The following DCAF1 variants were observed in gnomAD, a reference collection of about 807,000 sequenced individuals.
DCAF1 encodes the protein DDB1- and CUL4-associated factor 1.
Under a neutral mutation model 128.0 loss-of-function variants are expected in DCAF1, and 15 were observed. That is an observed-to-expected ratio of 0.12 (90% CI 0.08 to 0.18). The LOEUF is 0.18. Among genes scored for constraint, DCAF1 ranks in the 10% least tolerant of loss-of-function variants. The pLI is 1.00. For synonymous variants in DCAF1, 610 were observed against 603.0 expected (o/e 1.01, Z -0.17); for missense variants, 988 against 1,649.5 (o/e 0.60, Z 6.95).
intron 4 of DCAF1, among the ~76,000 whole-genome samples, chr3:51,467,525 G>GA (rs1553646911): frequency 2.0e-5 from 3 of 152,028 alleles, no homozygotes; most frequent in African/African-American, 7.2e-5. Context: ...GAGAGGGACA[G>GA]CATTAGGAGA....
chr3:51,403,511 A>C (rs781673398), intron 23 of DCAF1, 116 bp from the exon 24 acceptor site: 279 of 1,463,950 alleles, frequency 1.9e-4, no homozygotes, highest in Non-Finnish European at 2.3e-4. Context: ...GGTAGTAGTG[A>C]TCTAGACGAG....
intron 7 of DCAF1, among the ~76,000 whole-genome samples, chr3:51,442,791 G>A (rs1553639220): frequency 6.6e-6 from 1 of 152,144 alleles, no homozygotes; most frequent in African/African-American, 2.4e-5. Context: ...AAAAGGAAGG[G>A]CACTTGGAAG....
At chr3:51,462,349 G>A (rs1577227473) in intron 6 of DCAF1, among the ~76,000 whole-genome samples, 1 of 152,272 alleles carries the variant, frequency 6.6e-6, no homozygotes, top group African/African-American at 2.4e-5. Context: ...TTGAACCCAG[G>A]AGGAAGTTGC....
chr3:51,498,713 C>A (rs797037377), intron 1 of DCAF1, among the ~76,000 whole-genome samples: 6 of 152,098 alleles, frequency 3.9e-5, no homozygotes, highest in African/African-American at 1.4e-4. Flanking sequence ...TCTTTAACAT[C>A]CAAAAATATA....
At chr3:51,429,531 A>T in intron 11 of DCAF1, 61 bp from the exon 12 acceptor site, 1 of 753,328 alleles carries the variant, frequency 1.3e-6, no homozygotes, top group Non-Finnish European at 2.5e-6. Flanking sequence ...TTAAGTAAAA[A>T]TATTTAAAAA....
downstream of DCAF1, chr3:51,397,803 A>G (rs954116989): frequency 1.2e-5 from 2 of 167,098 alleles, no homozygotes; most frequent in African/African-American, 4.8e-5. Flanking sequence ...AAAAAGGGAC[A>G]CACCCCACTT....
chr3:51,402,628 G>A lies in DCAF1; in HGVS notation c.4465+515C>T, dbSNP rs1296209735. On this transcript the variant is annotated intron_variant, in intron 24 of 24. Coordinates refer to ENST00000684031, the MANE Select transcript of DCAF1 (RefSeq NM_001387579.1). ...TCACTCTATTATCCCAGCCTGGAGT[G>A]CAGTGGCACGATCTCGGCTCACTGC... Among the ~76,000 whole-genome samples the A allele has an allele frequency of 6.1e-5, 8 of 130,564 alleles. No homozygotes were observed. In the South Asian group the frequency reaches 1.5e-3, roughly 25 times the overall value. 85.7% of individuals were successfully genotyped at this position (130,564 alleles called of 152,430 possible).
chr3:51,403,542 C>A (rs2089891713), intron 23 of DCAF1, 147 bp from the exon 24 acceptor site: 1 of 1,371,290 alleles, frequency 7.3e-7, no homozygotes, highest in Non-Finnish European at 9.7e-7. Flanking sequence ...ATGAGCCAGC[C>A]AGACTTGTCA....
At chr3:51,494,526 G>A (rs1350317558) in intron 2 of DCAF1, among the ~76,000 whole-genome samples, 11 of 152,178 alleles carry the variant, frequency 7.2e-5, no homozygotes, top group South Asian at 2.1e-4. Flanking sequence ...ATGGGTAGTC[G>A]TTAATTTTAT....
In DCAF1 at chr3:51,420,559, T is replaced by C; in HGVS notation, c.2411A>G (p.Lys804Arg). Residue 804 changes from lysine to arginine, a missense_variant, in exon 15 of 25, where the codon AAG (lysine) becomes AGG (arginine). By Grantham distance (26) the Lys-to-Arg change is conservative. Transcript: ENST00000684031. The surrounding 1 kb of genome is among the most constrained non-coding windows in gnomAD (Gnocchi z 6.5). ...GAGTTCAGCAGCATACTTGCAGAAC[T>C]TGACATGGTCACTGCGCTTGTCCTG... ...VLQDKRSDHV[K>R]FCKYAAELIE... 1 of 1,613,972 alleles carries C rather than the reference T, an allele frequency of 6.2e-7. No individual in the cohort carries two copies. The highest frequency in any genetic ancestry group is 8.5e-7 in the Non-Finnish European group (1 of 1,179,882).
chr3:51,412,584 A>G (rs781827552), intron 22 of DCAF1, 104 bp from the exon 23 acceptor site: 3 of 1,534,948 alleles, frequency 2.0e-6, no homozygotes, highest in Non-Finnish European at 2.6e-6. Context: ...TGTAATTATT[A>G]AAGCTTCTGA....
chr3:51,456,350 G>A (rs1702906373), intron 6 of DCAF1, among the ~76,000 whole-genome samples: 1 of 152,234 alleles, frequency 6.6e-6, no homozygotes, highest in South Asian at 2.1e-4. Flanking sequence ...GAAGCAGTGA[G>A]ACTGGGGGAG....
At position 51,451,440 on chromosome 3, in the gene DCAF1, G is replaced by C. The variant is rs377082513; in HGVS notation, c.376-7537C>G. ...AAGACCAGCCTGGGCAACATAATGA[G>C]ACTCTGTGTCTATTTTTTCGTATAT... On this transcript the variant is annotated intron_variant, in intron 6 of 24. Transcript: ENST00000684031. 9.9e-5 allele frequency among the ~76,000 whole-genome samples: 15 copies of C among 151,472 alleles called. No homozygotes were observed. In the South Asian group the frequency reaches 3.1e-3, roughly 32 times the overall value.
chr3:51,484,567 A>AT, intron 2 of DCAF1, among the ~76,000 whole-genome samples: 1 of 152,118 alleles, frequency 6.6e-6, no homozygotes, highest in East Asian at 1.9e-4. Context: ...TTGTGCTTAC[A>AT]TTTTTTTAAG....
chr3:51,492,175 G>C (rs1707735750), intron 2 of DCAF1, among the ~76,000 whole-genome samples: 2 of 151,484 alleles, frequency 1.3e-5, no homozygotes, highest in African/African-American at 4.8e-5. Flanking sequence ...AAAAAAAGTA[G>C]TGAGACAATT....
rs558543726 is a variant in DCAF1, at chr3:51,488,066, T to C, written c.-8-4230A>G. On this transcript the variant is annotated intron_variant, in intron 2 of 24. Transcript: ENST00000684031. ...TTTTAGTAGAGACGGGGTTTCACCATGTTGGCCAGGCTGGTCTTGAACTCC... is the reference window on the plus strand; with the variant it reads ...TTTTAGTAGAGACGGGGTTTCACCACGTTGGCCAGGCTGGTCTTGAACTCC... 5.3e-5 allele frequency among the ~76,000 whole-genome samples: 8 copies of C among 151,996 alleles called. No homozygotes were observed. The East Asian group carries it at 7.8e-4, about 15-fold the overall frequency.
At chr3:51,416,205 A>G (rs1212010848) in intron 18 of DCAF1, among the ~76,000 whole-genome samples, 2 of 151,122 alleles carry the variant, frequency 1.3e-5, no homozygotes, top group African/African-American at 4.9e-5. Context: ...CACCTACAAG[A>G]TGCTACCAGA....
chr3:51,439,679 A>G (rs1489952925), intron 9 of DCAF1, among the ~76,000 whole-genome samples: 5 of 152,010 alleles, frequency 3.3e-5, no homozygotes, highest in Non-Finnish European at 7.4e-5. Flanking sequence ...TACATTATAC[A>G]ATATGTACAT....
At chr3:51,462,156 T>C (rs868910532) in intron 6 of DCAF1, among the ~76,000 whole-genome samples, 2 of 151,882 alleles carry the variant, frequency 1.3e-5, no homozygotes, top group Non-Finnish European at 1.5e-5. Context: ...GGTGTGGCAG[T>C]TCATGCCTGT....
Sources: allele counts gnomAD v4.1 joint callset (sites outside exome capture counted in the v4.1 genomes callset), GRCh38; gene constraint gnomAD v4.1.1; non-coding constraint Gnocchi (gnomAD v3.1); transcripts MANE v1.5; gene names NCBI Gene and HGNC (gene_info 2026-07-23, HGNC 2026-07-21).